Variants in RYR2 observed in about 807,000 individuals in gnomAD.
RYR2 encodes ryanodine receptor 2.
RYR2 carries 227 observed loss-of-function variants against 601.1 expected under a neutral mutation model. That is an observed-to-expected ratio of 0.38 (90% CI 0.34 to 0.42). RYR2 has a LOEUF of 0.42. Ranked by LOEUF, RYR2 falls within the 10% of genes least tolerant of loss-of-function variation. The probability of loss-of-function intolerance (pLI) is 1.00; values close to 1 mark genes in which losing one functional copy is unlikely to be tolerated. For synonymous variants in RYR2, 2,223 were observed against 2,175.1 expected, an observed-to-expected ratio of 1.02 and a Z score of -0.61; for missense variants, 4,646 against 6,156.5, an observed-to-expected ratio of 0.75 and a Z score of 8.21.
chr1:237,522,126 C>G (rs1367980984), intron 24 of RYR2, among the ~76,000 whole-genome samples: 3 of 152,038 alleles, frequency 2.0e-5, no homozygotes, highest in African/African-American at 2.4e-5. Context: ...CCCGCTCCCC[C>G]TACCCCACAA....
At chr1:237,687,377 T>TTTAATTTTCCCC in intron 62 of RYR2, 78 bp from the exon 63 acceptor site, 1 of 639,692 alleles carries the variant, frequency 1.6e-6, no homozygotes, top group Non-Finnish European at 2.6e-6. Flanking sequence ...TTTTTTTTTT[T>TTTAATTTTCCCC]TTTTTTTAAT....
chr1:237,227,669 C>A (rs887094311), intron 1 of RYR2, among the ~76,000 whole-genome samples: 2 of 152,180 alleles, frequency 1.3e-5, no homozygotes, highest in Non-Finnish European at 2.9e-5. Flanking sequence ...GCATGTCCAC[C>A]TGTTTGCAGT....
chr1:237,162,575 T>C (rs1025864573), intron 1 of RYR2, among the ~76,000 whole-genome samples: 1 of 152,152 alleles, frequency 6.6e-6, no homozygotes, highest in African/African-American at 2.4e-5. Context: ...TAATGTTCAT[T>C]CTATTTAAAC....
intron 1 of RYR2, among the ~76,000 whole-genome samples, chr1:237,223,645 T>C (rs548524078): frequency 9.8e-4 from 150 of 152,322 alleles, no homozygotes; most frequent in African/African-American, 3.4e-3. Context: ...GAGAACTCAC[T>C]AGTCCTGGGC....
chr1:237,690,924 G>C (rs1686886036), intron 63 of RYR2, among the ~76,000 whole-genome samples: 1 of 152,170 alleles, frequency 6.6e-6, no homozygotes, highest in African/African-American at 2.4e-5. Context: ...TGATTTATCA[G>C]CTATGCCAGT....
At chr1:237,696,421 C>A (rs2149009489) in intron 63 of RYR2, among the ~76,000 whole-genome samples, 1 of 152,024 alleles carries the variant, frequency 6.6e-6, no homozygotes, top group East Asian at 1.9e-4. Flanking sequence ...GGCCTTTTTT[C>A]TTCTTACTTA....
chr1:237,151,028 A>T (rs1183765716), intron 1 of RYR2, among the ~76,000 whole-genome samples: 1 of 152,184 alleles, frequency 6.6e-6, no homozygotes, highest in African/African-American at 2.4e-5. Context: ...AGTCACTGGA[A>T]AAAGTAGGTT....
Position 237,663,434 on chromosome 1 carries a change from C to CT in RYR2, c.8436+2494dup, listed in dbSNP as rs1313729547. Reference sequence around the variant, plus strand: ...GTGATTCTGAGCCTGAATTCCTCAGCTTTTTTTCACTGGGGCTTAGCACTC... The same window carrying CT: ...GTGATTCTGAGCCTGAATTCCTCAGCTTTTTTTTCACTGGGGCTTAGCACTC... On this transcript the variant is annotated intron_variant, in intron 56 of 104. Transcript: ENST00000366574. Among the ~76,000 whole-genome samples, 4 of 150,750 alleles carry CT rather than the reference C, an allele frequency of 2.7e-5. No homozygotes were observed. In the South Asian group the frequency reaches 6.3e-4, roughly 24 times the overall value.
At chr1:237,537,091 G>C (rs77131668) in intron 25 of RYR2, among the ~76,000 whole-genome samples, 7,365 of 152,154 alleles carry the variant, frequency 0.048, 239 homozygotes, top group Middle Eastern at 0.15. Flanking sequence ...CCCCCACCAA[G>C]TGAGAAAAAA....
At chr1:237,527,205 C>A (rs965078694) in intron 24 of RYR2, among the ~76,000 whole-genome samples, 1 of 152,108 alleles carries the variant, frequency 6.6e-6, no homozygotes, top group African/African-American at 2.4e-5. Flanking sequence ...GTTACTATAT[C>A]CTTATATATA....
intron 73 of RYR2, among the ~76,000 whole-genome samples, chr1:237,719,058 G>A (rs1689494663): frequency 6.6e-6 from 1 of 152,104 alleles, no homozygotes; most frequent in Admixed American, 6.5e-5. Context: ...GAGCCCAAGA[G>A]TTTGAGCCTG....
chr1:237,423,378 G>A (rs774874997), intron 12 of RYR2, 130 bp downstream of exon 12: 486 of 1,128,422 alleles, frequency 4.3e-4, no homozygotes, highest in Non-Finnish European at 5.5e-4. Context: ...TAAATTCCCA[G>A]TTTCTCTTCC....
chr1:237,804,648 G>A (rs949566279), intron 98 of RYR2, among the ~76,000 whole-genome samples: 1 of 152,056 alleles, frequency 6.6e-6, no homozygotes, highest in African/African-American at 2.4e-5. Flanking sequence ...TATAACCCAG[G>A]AGACTTCTAC....
intron 51 of RYR2, 135 bp downstream of exon 51, chr1:237,651,636 A>T (rs1237604431): frequency 1.6e-6 from 1 of 611,782 alleles, no homozygotes; most frequent in Non-Finnish European, 2.9e-6. Flanking sequence ...ATGGGCATAG[A>T]AGTTATAGGA....
chr1:237,711,872 T>A, intron 71 of RYR2, 35 bp downstream of exon 71: 1 of 953,598 alleles, frequency 1.0e-6, no homozygotes, highest in Non-Finnish European at 1.7e-6. Context: ...TTCTGGAAAA[T>A]ATCTGAATGT....
intron 24 of RYR2, among the ~76,000 whole-genome samples, chr1:237,524,329 T>C (rs895928125): frequency 6.6e-6 from 1 of 152,196 alleles, no homozygotes; most frequent in African/African-American, 2.4e-5. Context: ...TGTGTAATTC[T>C]ATTCCTATGA....
intron 10 of RYR2, among the ~76,000 whole-genome samples, chr1:237,406,177 C>T (rs1703861543): frequency 3.3e-5 from 2 of 59,800 alleles, no homozygotes; most frequent in African/African-American, 9.0e-5. Flanking sequence ...TCCCTTCCCT[C>T]CCCTCCCCTC....
At chr1:237,409,772 T>C (rs1397086781) in intron 10 of RYR2, among the ~76,000 whole-genome samples, 4 of 152,148 alleles carry the variant, frequency 2.6e-5, no homozygotes, top group Admixed American at 1.3e-4. Flanking sequence ...TGATATGGCT[T>C]CTTCTTTGTC....
At chr1:237,595,712 T>C in intron 34 of RYR2, 55 bp downstream of exon 34, 8 of 1,543,368 alleles carry the variant, frequency 5.2e-6, no homozygotes, top group Non-Finnish European at 7.0e-6. Context: ...CTTTCCCCCA[T>C]TAAAGGAAAA....
Sources: allele counts gnomAD v4.1 joint callset (sites outside exome capture counted in the v4.1 genomes callset), GRCh38; gene constraint gnomAD v4.1.1; transcripts MANE v1.5; gene names NCBI Gene and HGNC (gene_info 2026-07-23, HGNC 2026-07-21).